Variants in ARSJ observed in about 807,000 individuals in gnomAD.
ARSJ encodes the protein arylsulfatase J.
A neutral mutation model predicts 35.9 loss-of-function variants in ARSJ; 26 were observed. The observed-to-expected ratio is 0.72, with a 90% CI of 0.53 to 1.00. ARSJ has a LOEUF of 1.00. Ranked by LOEUF, ARSJ falls within the 50% of genes least tolerant of loss-of-function variation. The pLI is 0.00. For synonymous variants in ARSJ, 294 were observed against 267.6 expected (o/e 1.10, Z -0.96); for missense variants, 667 against 723.6 (o/e 0.92, Z 0.90).
At chr4:113,953,699 A>G (rs1039768432) in intron 1 of ARSJ, among the ~76,000 whole-genome samples, 10 of 152,078 alleles carry the variant, frequency 6.6e-5, no homozygotes, top group Non-Finnish European at 1.5e-4. Context: ...TAGGGGGTAA[A>G]AGAATTTTCA....
intron 1 of ARSJ, among the ~76,000 whole-genome samples, chr4:113,915,980 C>T (rs570599384): frequency 6.6e-6 from 1 of 152,206 alleles, no homozygotes; most frequent in African/African-American, 2.4e-5. Context: ...CTGGAAAGCT[C>T]GCAGTTTTAA....
chr4:113,933,574 A>G (rs1437192549), intron 1 of ARSJ, among the ~76,000 whole-genome samples: 2 of 151,884 alleles, frequency 1.3e-5, no homozygotes, highest in Non-Finnish European at 2.9e-5. Flanking sequence ...TACTTATTAT[A>G]TTAACAGAAC....
Position 113,902,280 on chromosome 4 carries a change from A to T in ARSJ, c.1794T>A (p.Cys598Ter). 6.2e-7 allele frequency: 1 copy of T among 1,610,044 alleles called. No individual in the cohort carries two copies. The change falls in exon 2 of 2, where the codon TGT becomes TGA. Residue 598 changes from cysteine (C) to a stop codon, truncating the protein, a stop_gained. Coordinates refer to ENST00000315366, the MANE Select transcript of ARSJ (RefSeq NM_024590.4). LOFTEE classifies it high-confidence loss of function. ...AAACAGGAAATATTTGTGCTTATCC[A>T]CAAGTAACACCTGAATGGCAAGTTG... ...SGSTCHSGVT[C>*]G is the part of the protein sequence containing the mutation.
In ARSJ at chr4:113,903,192, A is replaced by G. The variant is rs1383860214; in HGVS notation, c.882T>C (p.Ala294=). 1.2e-6 allele frequency: 2 copies of G among 1,614,200 alleles called. No individual in the cohort carries two copies. The highest frequency in any genetic ancestry group is 2.2e-5 in the South Asian group (2 of 91,090). Reference sequence around the variant, plus strand: ...CTTCATCTAAGCAGGAAAGCATGGCAGCATATCTCCTCCTGTTTATGTTGA... The same window carrying G: ...CTTCATCTAAGCAGGAAAGCATGGCGGCATATCTCCTCCTGTTTATGTTGA... The part of the protein sequence containing the change: ...SIININRRRY[A]AMLSCLDEAI... The change falls in exon 2 of 2, where the codon GCT becomes GCC. Residue 294 remains alanine (A), a synonymous_variant. Transcript: ENST00000315366.
intron 1 of ARSJ, among the ~76,000 whole-genome samples, chr4:113,928,855 T>C (rs1724246888): frequency 6.6e-6 from 1 of 152,106 alleles, no homozygotes; most frequent in African/African-American, 2.4e-5. Flanking sequence ...TTGGGATGAG[T>C]AGGTTTGAAG....
intron 1 of ARSJ, among the ~76,000 whole-genome samples, chr4:113,911,868 T>G (rs1407063426): frequency 6.6e-6 from 1 of 152,198 alleles, no homozygotes; most frequent in Non-Finnish European, 1.5e-5. Context: ...TGTGTTAATT[T>G]GCTTCACCAT....
intron 1 of ARSJ, among the ~76,000 whole-genome samples, chr4:113,972,464 C>T (rs1460662345): frequency 3.3e-5 from 5 of 152,090 alleles, no homozygotes; most frequent in Non-Finnish European, 7.4e-5. Flanking sequence ...TCCCAACTCC[C>T]TAACCCTTTC....
At chr4:113,962,814 C>A (rs1026628518) in intron 1 of ARSJ, among the ~76,000 whole-genome samples, 2 of 152,000 alleles carry the variant, frequency 1.3e-5, no homozygotes, top group African/African-American at 4.8e-5. Context: ...CCATTTTAGT[C>A]GAGTGAAAGT....
chr4:113,929,723 T>G (rs1009900539), intron 1 of ARSJ, among the ~76,000 whole-genome samples: 5 of 152,122 alleles, frequency 3.3e-5, no homozygotes, highest in Non-Finnish European at 7.4e-5. Context: ...AGGGCAATCT[T>G]AGCAGATTTG....
chr4:113,925,003 G>C (rs1002913503), intron 1 of ARSJ, among the ~76,000 whole-genome samples: 2 of 152,052 alleles, frequency 1.3e-5, no homozygotes, highest in African/African-American at 4.8e-5. Flanking sequence ...GCCGGGATTG[G>C]GCTGTTGTAG....
intron 1 of ARSJ, among the ~76,000 whole-genome samples, chr4:113,955,004 CT>C (rs771948398): frequency 0.061 from 8,452 of 138,018 alleles, 275 homozygotes; most frequent in African/African-American, 0.099. Context: ...TTTTTCTTTT[CT>C]TTTTTTTTTT....
chr4:113,925,660 A>G (rs1724010920), intron 1 of ARSJ, among the ~76,000 whole-genome samples: 3 of 152,334 alleles, frequency 2.0e-5, no homozygotes, highest in Middle Eastern at 3.4e-3. Context: ...TGCCTTGGTC[A>G]GAGGCAATGC....
At chr4:113,968,315 A>C (rs932696127) in intron 1 of ARSJ, among the ~76,000 whole-genome samples, 4 of 152,138 alleles carry the variant, frequency 2.6e-5, no homozygotes, top group African/African-American at 9.7e-5. Flanking sequence ...TTTTAATTAG[A>C]CTATATGAAG....
chr4:113,977,388 G>A (rs1332360735), intron 1 of ARSJ, among the ~76,000 whole-genome samples: 1 of 152,188 alleles, frequency 6.6e-6, no homozygotes, highest in Non-Finnish European at 1.5e-5. Flanking sequence ...AAGTCTCTGC[G>A]AGACAGAGAT....
intron 1 of ARSJ, among the ~76,000 whole-genome samples, chr4:113,975,620 TAC>T (rs1727543572): frequency 6.6e-6 from 1 of 152,132 alleles, no homozygotes; most frequent in Non-Finnish European, 1.5e-5. Context: ...ATAGAATCCC[TAC>T]ATCACTACCC....
chr4:113,950,474 G>A (rs143164473), intron 1 of ARSJ, among the ~76,000 whole-genome samples: 112 of 152,120 alleles, frequency 7.4e-4, no homozygotes, highest in African/African-American at 2.5e-3. Context: ...AGAGAAGCAT[G>A]GGAAAGGGAC....
At chr4:113,939,179 G>C (rs1008239530) in intron 1 of ARSJ, among the ~76,000 whole-genome samples, 1 of 148,546 alleles carries the variant, frequency 6.7e-6, no homozygotes, top group Admixed American at 6.8e-5. Flanking sequence ...TTTTGTCCTT[G>C]CGATAGTTTA....
At chr4:113,930,491 G>A (rs990831004) in intron 1 of ARSJ, among the ~76,000 whole-genome samples, 10 of 152,190 alleles carry the variant, frequency 6.6e-5, no homozygotes, top group African/African-American at 2.4e-4. Context: ...TTAATATTTT[G>A]TATCCTTCAA....
intron 1 of ARSJ, among the ~76,000 whole-genome samples, chr4:113,946,752 G>A (rs11098214): frequency 0.35 from 52,745 of 151,824 alleles, 9,629 homozygotes; most frequent in East Asian, 0.52. Context: ...CGTTATTATA[G>A]CTGAGTTCAG....
Sources: gnomAD v4.1 joint callset for allele counts (sites outside exome capture counted in the v4.1 genomes callset) on GRCh38, gnomAD v4.1.1 for gene constraint, MANE v1.5 for transcripts, NCBI Gene and HGNC (gene_info 2026-07-23, HGNC 2026-07-21) for gene names.